The following ZNF654 variants were observed in gnomAD, a reference collection of about 807,000 sequenced individuals.
The protein encoded by ZNF654 is melanoma-associated antigen.
A neutral mutation model predicts 95.3 loss-of-function variants in ZNF654; 19 were observed. The ratio of observed to expected loss-of-function variants is 0.20; its 90% CI spans 0.14 to 0.29. ZNF654 has a LOEUF of 0.29. ZNF654 is among the 10% of genes least tolerant of loss of function. The pLI is 1.00. For missense variants in ZNF654, 1,046 were observed against 1,341.0 expected, an observed-to-expected ratio of 0.78 and a Z score of 3.44; for synonymous variants, 413 against 457.9, an observed-to-expected ratio of 0.90 and a Z score of 1.25.
intron 1 of ZNF654, among the ~76,000 whole-genome samples, chr3:88,082,048 C>G (rs1708104063): frequency 6.6e-6 from 1 of 152,100 alleles, no homozygotes; most frequent in African/African-American, 2.4e-5. Flanking sequence ...TCAACAAATT[C>G]ATACAGGAGT....
intron 1 of ZNF654, among the ~76,000 whole-genome samples, chr3:88,059,922 C>G (rs1228153076): frequency 6.6e-6 from 1 of 152,048 alleles, no homozygotes; most frequent in Non-Finnish European, 1.5e-5. Context: ...GATTGCCCCC[C>G]GTGTTCTCCC....
chr3:88,091,925 A>G (rs1038472988), intron 2 of ZNF654, among the ~76,000 whole-genome samples: 22 of 152,196 alleles, frequency 1.4e-4, no homozygotes, highest in African/African-American at 4.8e-4. Flanking sequence ...TCTTCATAGC[A>G]GTATGAAAAT....
At chr3:88,062,612 AAATT>A (rs1242162390) in intron 1 of ZNF654, among the ~76,000 whole-genome samples, 2 of 152,200 alleles carry the variant, frequency 1.3e-5, no homozygotes, top group Non-Finnish European at 1.5e-5. Flanking sequence ...TTTTTGTCAT[AAATT>A]GATTGTAAAC....
intron 7 of ZNF654, among the ~76,000 whole-genome samples, chr3:88,135,822 A>C (rs1206599145): frequency 6.6e-6 from 1 of 152,120 alleles, no homozygotes; most frequent in African/African-American, 2.4e-5. Flanking sequence ...TAAGACTTCG[A>C]GTATAAAGAG....
At chr3:88,089,459 C>T (rs149100297) in intron 2 of ZNF654, among the ~76,000 whole-genome samples, 130 of 149,808 alleles carry the variant, frequency 8.7e-4, no homozygotes, top group African/African-American at 3.1e-3. Context: ...CCATTGCACT[C>T]TAGCCTGGGC....
intron 2 of ZNF654, among the ~76,000 whole-genome samples, chr3:88,106,747 C>G (rs1704764191): frequency 1.3e-5 from 2 of 152,112 alleles, no homozygotes; most frequent in Non-Finnish European, 2.9e-5. Context: ...TAATGTTCCC[C>G]TATTGCTTCT....
intron 2 of ZNF654, among the ~76,000 whole-genome samples, chr3:88,104,560 A>G (rs1307569950): frequency 6.6e-6 from 1 of 152,244 alleles, no homozygotes; most frequent in African/African-American, 2.4e-5. Flanking sequence ...GGTTTGTAGC[A>G]TGTTTAAAAC....
chr3:88,086,298 A>G lies in ZNF654; in HGVS notation c.228A>G (p.Pro76=). 6.5e-7 allele frequency: 1 copy of G among 1,534,320 alleles called. No homozygotes were observed. The highest frequency in any genetic ancestry group is 8.7e-7 in the Non-Finnish European group (1 of 1,146,682). ...DYAGRWQVPL[P]QLQVLQTALC... is the part of the protein sequence containing the mutation. Reference sequence around the variant, plus strand: ...CTGGAAGATGGCAGGTCCCTTTGCCACAGCTTCAGGTTCTTCAGACTGCCC... The same window carrying G: ...CTGGAAGATGGCAGGTCCCTTTGCCGCAGCTTCAGGTTCTTCAGACTGCCC... Residue 76 remains proline, a synonymous_variant, in exon 2 of 9, where the codon CCA becomes CCG. Coordinates refer to ENST00000636215, the MANE Select transcript of ZNF654 (RefSeq NM_001350134.2).
chr3:88,140,296 C>T lies in ZNF654; in HGVS notation c.2627C>T (p.Ser876Leu), dbSNP rs1707041325. 1 of 1,613,642 alleles carries T rather than the reference C, an allele frequency of 6.2e-7. No individual in the cohort carries two copies. The highest frequency in any genetic ancestry group is 1.3e-5 in the African/African-American group (1 of 74,882). ...AQHYLSKTPESSAQPSETILW... is the reference protein window; with the variant it reads ...AQHYLSKTPELSAQPSETILW... ...CACTATTTAAGTAAAACACCAGAGT[C>T]ATCTGCACAACCAAGTGAAACAATT... The change falls in exon 8 of 9, where the codon TCA (serine) becomes TTA (leucine). Residue 876 changes from serine to leucine, a missense_variant. By Grantham distance (145) the Ser-to-Leu change is moderately radical. Coordinates refer to ENST00000636215, the MANE Select transcript of ZNF654 (RefSeq NM_001350134.2).
At chr3:88,109,142 A>AGTT (rs1553697146) in intron 2 of ZNF654, among the ~76,000 whole-genome samples, 2 of 142,434 alleles carry the variant, frequency 1.4e-5, no homozygotes, top group Admixed American at 7.0e-5. Flanking sequence ...AGTGGGCACT[A>AGTT]GTGTGTGTGT....
chr3:88,141,289 T>C (rs1707114529), intron 8 of ZNF654, among the ~76,000 whole-genome samples: 1 of 152,118 alleles, frequency 6.6e-6, no homozygotes, highest in African/African-American at 2.4e-5. Context: ...GCCTATGAAC[T>C]TGTGCAAGGC....
intron 1 of ZNF654, among the ~76,000 whole-genome samples, chr3:88,067,159 A>C (rs1427424170): frequency 6.6e-6 from 1 of 152,242 alleles, no homozygotes; most frequent in African/African-American, 2.4e-5. Context: ...AGTGGTAAGC[A>C]AACAGACATT....
chr3:88,133,162 T>G (rs1706566515), intron 6 of ZNF654, among the ~76,000 whole-genome samples: 1 of 152,092 alleles, frequency 6.6e-6, no homozygotes, highest in South Asian at 2.1e-4. Flanking sequence ...GCCCCTGAAT[T>G]AATATCTGAA....
intron 2 of ZNF654, among the ~76,000 whole-genome samples, chr3:88,094,815 A>G (rs1703965655): frequency 6.6e-6 from 1 of 152,030 alleles, no homozygotes; most frequent in African/African-American, 2.4e-5. Flanking sequence ...CCTTCCCACT[A>G]ATATTTTTGA....
chr3:88,113,229 TAC>T, intron 3 of ZNF654, 33 bp downstream of exon 3: 2 of 1,383,634 alleles, frequency 1.4e-6, no homozygotes, highest in Non-Finnish European at 2.0e-6. Context: ...ACACTTTGTC[TAC>T]ACTTAAAATA....
intron 3 of ZNF654, among the ~76,000 whole-genome samples, chr3:88,116,467 C>A (rs532013053): frequency 9.2e-5 from 14 of 151,856 alleles, no homozygotes; most frequent in African/African-American, 2.4e-4. Flanking sequence ...TTGCAGTGAG[C>A]CGAGATCACA....
intron 2 of ZNF654, among the ~76,000 whole-genome samples, chr3:88,090,553 A>G (rs1050403788): frequency 6.6e-6 from 1 of 152,198 alleles, no homozygotes. Context: ...TAATAAGGCT[A>G]ATTTATTATT....
intron 2 of ZNF654, among the ~76,000 whole-genome samples, chr3:88,111,888 A>G (rs1166854037): frequency 1.3e-5 from 2 of 151,940 alleles, no homozygotes; most frequent in Non-Finnish European, 2.9e-5. Flanking sequence ...TAATCTTTAT[A>G]ATTTTGGCCT....
intron 3 of ZNF654, among the ~76,000 whole-genome samples, chr3:88,116,495 G>C (rs1203207501): frequency 6.6e-6 from 1 of 151,518 alleles, no homozygotes; most frequent in East Asian, 1.9e-4. Context: ...ACTCCATCCA[G>C]CCAGGGCAAC....
Sources: gnomAD v4.1 joint callset for allele counts (sites outside exome capture counted in the v4.1 genomes callset) on GRCh38, gnomAD v4.1.1 for gene constraint, MANE v1.5 for transcripts, NCBI Gene and HGNC (gene_info 2026-07-23, HGNC 2026-07-21) for gene names.